The following GPR108 variants were observed in gnomAD, a reference collection of about 807,000 sequenced individuals.
GPR108 encodes protein GPR108.
In GPR108, 60 loss-of-function variants were observed where a neutral mutation model predicts 74.3. That is an observed-to-expected ratio of 0.81 (90% CI 0.66 to 1.00). The LOEUF is 1.00. GPR108 is among the 50% of genes least tolerant of loss of function. The pLI is 0.00. For synonymous variants in GPR108, 311 were observed against 292.4 expected (o/e 1.06, Z -0.65); for missense variants, 667 against 703.3 (o/e 0.95, Z 0.58).
intron 14 of GPR108, 83 bp downstream of exon 14, chr19:6,731,808 G>C: frequency 6.6e-7 from 1 of 1,508,206 alleles, no homozygotes; most frequent in South Asian, 1.2e-5. Flanking sequence ...AGAGAGGCCA[G>C]GAGGGGCATC....
At chr19:6,737,307 C>G (rs1968681776) in intron 1 of GPR108, 150 bp downstream of exon 1, 1 of 1,028,286 alleles carries the variant, frequency 9.7e-7, no homozygotes, top group Middle Eastern at 3.3e-4. Flanking sequence ...GATCCCGGGA[C>G]GAGACCACTC....
In GPR108 at chr19:6,730,120, C is replaced by G. The variant is rs779206660; in HGVS notation, c.*192G>C. 4.6e-5 allele frequency: 28 copies of G among 614,182 alleles called. No homozygotes were observed. Among genetic ancestry groups the G allele is most frequent in the African/African-American group, 4.1e-4 (22 of 54,160 alleles). The allele number at this position is 614,182 out of a possible 1,614,324, so 38.0% of individuals were successfully genotyped here. On this transcript the variant is annotated 3_prime_UTR_variant, in exon 18 of 18. Coordinates refer to ENST00000264080, the MANE Select transcript of GPR108 (RefSeq NM_001080452.2). Reference sequence around the variant, plus strand: ...GGGAGGGGTGGTCCCGGGGTAAGGACAGGGCTGCCCAATATTTGGGGGGAG... The same window carrying G: ...GGGAGGGGTGGTCCCGGGGTAAGGAGAGGGCTGCCCAATATTTGGGGGGAG...
At chr19:6,734,465 C>G (rs1007577401) in intron 4 of GPR108, among the ~76,000 whole-genome samples, 158 bp from the exon 5 acceptor site, 8 of 152,192 alleles carry the variant, frequency 5.3e-5, no homozygotes, top group African/African-American at 1.9e-4. Flanking sequence ...TTGGTTCCCA[C>G]CGGTCAAGGA....
chr19:6,735,394 A>G (rs1043187017), intron 4 of GPR108: 4 of 508,586 alleles, frequency 7.9e-6, no homozygotes, highest in African/African-American at 2.0e-5. Flanking sequence ...ATTGTTATTC[A>G]TTCTCACAAC....
At chr19:6,730,627 AACC>A in intron 17 of GPR108, 1 of 532,234 alleles carries the variant, frequency 1.9e-6, no homozygotes, top group Non-Finnish European at 3.3e-6. Context: ...CTCTACCCGT[AACC>A]ACTCAGGCCC....
intron 2 of GPR108, 107 bp from the exon 3 acceptor site, chr19:6,736,065 A>C: frequency 1.0e-6 from 1 of 956,582 alleles, no homozygotes; most frequent in South Asian, 1.5e-5. Context: ...TGAACACCTA[A>C]CATGTGCTAG....
chr19:6,730,877 T>G, intron 17 of GPR108, 110 bp downstream of exon 17: 1 of 1,156,162 alleles, frequency 8.6e-7, no homozygotes, highest in Non-Finnish European at 1.2e-6. Context: ...GCCCTAACAC[T>G]GCCCCCAGGG....
In GPR108 at chr19:6,732,491, T is replaced by C. The variant is rs1447950919; in HGVS notation, c.992A>G (p.Tyr331Cys). Residue 331 changes from tyrosine (Y) to cysteine (C), a missense_variant, in exon 11 of 18, where the codon TAC becomes TGC. Transcript: ENST00000264080. The stretch of plus-strand genomic sequence containing the variant: ...GGACACTCACAGGTGTGCGATGTAG[T>C]ACATGACGGCAAGGCCTTCGATGGG... ...GHPIEGLAVM[Y>C]YIAHLLKGAL... 4 of 1,613,704 alleles carry C rather than the reference T, an allele frequency of 2.5e-6. No individual in the cohort carries two copies. Among genetic ancestry groups the C allele is most frequent in the East Asian group, 2.2e-5 (1 of 44,842 alleles).
chr19:6,731,504 T>C lies in GPR108; in HGVS notation c.1319A>G (p.Lys440Arg). The change falls in exon 15 of 18, where the codon AAG becomes AGG. Residue 440 changes from lysine to arginine, a missense_variant. Coordinates refer to ENST00000264080, the MANE Select transcript of GPR108 (RefSeq NM_001080452.2). ...ATAGTAATGCCGGAACAGCTTCAGC[T>C]TGGCCAGGTTCACTGCCACTGAGGG... ...TDGKVAVNLA[K>R]LKLFRHYYVM... is the part of the protein sequence containing the mutation. 2.1e-6 allele frequency: 3 copies of C among 1,413,408 alleles called. No homozygotes were observed. Among genetic ancestry groups the C allele is most frequent in the East Asian group, 3.1e-5 (1 of 31,840 alleles). The allele number at this position is 1,413,408 out of a possible 1,614,324, so 87.6% of individuals were successfully genotyped here. A position where few individuals can be genotyped will look rare whatever the true frequency, so the allele number is the denominator to read the frequency against.
At chr19:6,734,155 C>T in intron 5 of GPR108, 28 bp downstream of exon 5, 1 of 1,614,118 alleles carries the variant, frequency 6.2e-7, no homozygotes. Flanking sequence ...GCCCATCCAC[C>T]CCCGTCTGCA....
rs1968321841 is a variant in GPR108 at position 6,730,086 on chromosome 19, T to C, written c.*226A>G. On this transcript the variant is annotated 3_prime_UTR_variant, in exon 18 of 18. Transcript: ENST00000264080. ...AACAGATTGGTCATTATTGTACACA[T>C]AGCTGGAAGGGAGGGGTGGTCCCGG... 2 of 577,478 alleles carry C rather than the reference T, an allele frequency of 3.5e-6. No individual in the cohort carries two copies. Among genetic ancestry groups the C allele is most frequent in the African/African-American group, 1.9e-5 (1 of 53,314 alleles). The allele number at this position is 577,478 out of a possible 1,614,324, so 35.8% of individuals were successfully genotyped here.
rs1474845544 is a variant in GPR108, at chr19:6,732,153, G to C, written c.1128C>G (p.Val376=). ...TGATGATGTAGGCCACGTTGGCCAG[G>C]ACCTGCGCAGGCGGCGGGGGTGGGT... ...KVFGIVIPMQ[V]LANVAYIIIE... The change falls in exon 13 of 18, where the codon GTC becomes GTG. Residue 376 remains valine, a splice_region_variant and synonymous_variant. Transcript: ENST00000264080. 6.2e-7 allele frequency: 1 copy of C among 1,613,578 alleles called. No individual in the cohort carries two copies. Among genetic ancestry groups the C allele is most frequent in the African/African-American group, 1.3e-5 (1 of 75,044 alleles).
At chr19:6,737,396 G>C in intron 1 of GPR108, 61 bp downstream of exon 1, 1 of 1,549,744 alleles carries the variant, frequency 6.5e-7, no homozygotes, top group East Asian at 2.5e-5. Flanking sequence ...CTCCAAGCCA[G>C]GGGGCTTCTC....
chr19:6,731,832 GA>G, intron 14 of GPR108, 58 bp downstream of exon 14: 2 of 1,590,028 alleles, frequency 1.3e-6, no homozygotes, highest in Non-Finnish European at 1.7e-6. Context: ...GGGGCAGAAA[GA>G]AGGGCCCGGA....
At chr19:6,730,480 ACC>A (rs1568234899) in intron 17 of GPR108, 96 bp from the exon 18 acceptor site, 5 of 1,005,026 alleles carry the variant, frequency 5.0e-6, no homozygotes, top group African/African-American at 1.6e-5. Context: ...ACTCCCCCCA[ACC>A]ACAGCAGCCC....
At chr19:6,736,872 A>T (rs1427271972) in intron 1 of GPR108, 161 bp from the exon 2 acceptor site, 1 of 948,382 alleles carries the variant, frequency 1.1e-6, no homozygotes, top group East Asian at 2.7e-5. Flanking sequence ...TCCTCCCTGC[A>T]GGGGAAGGGT....
At chr19:6,730,689 A>G in intron 17 of GPR108, 1 of 543,486 alleles carries the variant, frequency 1.8e-6, no homozygotes, top group Non-Finnish European at 3.3e-6. Flanking sequence ...TTCTACCCGA[A>G]CTACCTAGGC....
Position 6,730,108 on chromosome 19 carries a change from C to G in GPR108, c.*204G>C, listed in dbSNP as rs1968323440. The G allele has an allele frequency of 3.4e-6, 2 of 594,088 alleles. No homozygotes were observed. The highest frequency in any genetic ancestry group is 6.1e-6 in the Non-Finnish European group (2 of 327,890). 36.8% of individuals were successfully genotyped at this position (594,088 alleles called of 1,614,324 possible). On this transcript the variant is annotated 3_prime_UTR_variant, in exon 18 of 18. Transcript: ENST00000264080. ...ACATAGCTGGAAGGGAGGGGTGGTC[C>G]CGGGGTAAGGACAGGGCTGCCCAAT...
intron 3 of GPR108, 53 bp from the exon 4 acceptor site, chr19:6,735,757 C>T: frequency 1.9e-6 from 3 of 1,577,808 alleles, no homozygotes; most frequent in Non-Finnish European, 2.6e-6. Flanking sequence ...CCTGGTCCAG[C>T]TCCACCCTGT....
Sources: allele counts gnomAD v4.1 joint callset (sites outside exome capture counted in the v4.1 genomes callset), GRCh38; gene constraint gnomAD v4.1.1; transcripts MANE v1.5; gene names NCBI Gene and HGNC (gene_info 2026-07-23, HGNC 2026-07-21).